Variants in MAP1LC3C observed in about 807,000 individuals in gnomAD.
MAP1LC3C encodes the protein microtubule-associated protein 1 light chain 3 gamma.
MAP1LC3C carries 12 observed loss-of-function variants against 10.4 expected under a neutral mutation model. That is an observed-to-expected ratio of 1.15 (90% confidence interval 0.74 to 1.86). The LOEUF (loss-of-function observed/expected upper bound fraction) is 1.86, where lower values mean the gene tolerates loss of function less well. Ranked by LOEUF, MAP1LC3C falls within the 40% of genes most tolerant of loss-of-function variation. The pLI is 0.00. For missense variants in MAP1LC3C, 177 were observed against 185.7 expected, an observed-to-expected ratio of 0.95 and a Z score of 0.27; for synonymous variants, 70 against 69.0, an observed-to-expected ratio of 1.01 and a Z score of -0.07.
Position 241,998,021 on chromosome 1 carries a change from C to CTTTTTTT in MAP1LC3C, c.221+486_221+492dup, listed in dbSNP as rs58237405. Among the ~76,000 whole-genome samples the CTTTTTTT allele has an allele frequency of 1.2e-3, 119 of 95,402 alleles. 8 individuals are homozygous for CTTTTTTT. Among genetic ancestry groups the CTTTTTTT allele is most frequent in the African/African-American group, 1.4e-3 (34 of 23,996 alleles). 62.6% of individuals were successfully genotyped at this position (95,402 alleles called of 152,430 possible). A position where few individuals can be genotyped will look rare whatever the true frequency, so the allele number is the denominator to read the frequency against. On this transcript the variant is annotated intron_variant, in intron 3 of 3. Coordinates refer to ENST00000357246, the MANE Select transcript of MAP1LC3C (RefSeq NM_001004343.3). ...CTTACCTGTTTAAAATAGAGTAATT[C>CTTTTTTT]TTTTTTTTTTTTTTTTTTTTTTGAG...
In MAP1LC3C at chr1:241,998,598, C is replaced by T; in HGVS notation, c.137G>A (p.Arg46Lys). Reference sequence around the variant, plus strand: ...GTCCAGCGGGGGCAGGAACGTCTCCCTGGGGTAGCGCTCCACTACCACCTG... The same window carrying T: ...GTCCAGCGGGGGCAGGAACGTCTCCTTGGGGTAGCGCTCCACTACCACCTG... ...KIPVVVERYPRETFLPPLDKT... is the reference protein window; with the variant it reads ...KIPVVVERYPKETFLPPLDKT... Residue 46 changes from arginine to lysine, a missense_variant, in exon 3 of 4, where the codon AGG (arginine) becomes AAG (lysine). Transcript: ENST00000357246. 2 of 1,612,044 alleles carry T rather than the reference C, an allele frequency of 1.2e-6. No individual in the cohort carries two copies. The highest frequency in any genetic ancestry group is 4.5e-5 in the East Asian group (2 of 44,864).
At chr1:241,998,370 C>G in intron 3 of MAP1LC3C, 144 bp downstream of exon 3, 1 of 663,906 alleles carries the variant, frequency 1.5e-6, no homozygotes, top group Non-Finnish European at 2.6e-6. Flanking sequence ...ACTAGTGAAT[C>G]TAAAAGGTGA....
At chr1:241,998,479 G>T in intron 3 of MAP1LC3C, 35 bp downstream of exon 3, 2 of 1,590,256 alleles carry the variant, frequency 1.3e-6, no homozygotes, top group Non-Finnish European at 1.7e-6. Context: ...CGCACCCAGC[G>T]CACCTTCCTC....
rs28605139 is a variant in MAP1LC3C, at chr1:241,996,155, G to C, written c.*8C>G. On this transcript the variant is annotated 3_prime_UTR_variant, in exon 4 of 4. Transcript: ENST00000357246. ...GTCTGTCAGAGCACACATCCTTCCCGACATGGGCTAGAGAGGATTGCAGGG... is the reference window on the plus strand; with the variant it reads ...GTCTGTCAGAGCACACATCCTTCCCCACATGGGCTAGAGAGGATTGCAGGG... 1.2e-6 allele frequency: 2 copies of C among 1,608,694 alleles called. No homozygotes were observed. The highest frequency in any genetic ancestry group is 1.3e-5 in the African/African-American group (1 of 74,772).
In MAP1LC3C at chr1:241,998,577, A is replaced by C; in HGVS notation, c.158T>G (p.Leu53Arg). Residue 53 changes from leucine (L) to arginine (R), a missense_variant, in exon 3 of 4, where the codon CTG (leucine) becomes CGG (arginine). By Grantham distance (102) the Leu-to-Arg change is moderately radical. Coordinates refer to ENST00000357246, the MANE Select transcript of MAP1LC3C (RefSeq NM_001004343.3). ...CGGGACCAGGAACTTGGTTTTGTCC[A>C]GCGGGGGCAGGAACGTCTCCCTGGG... Reference protein sequence around the residue: ...RYPRETFLPPLDKTKFLVPQE... With the variant: ...RYPRETFLPPRDKTKFLVPQE... 6.2e-7 allele frequency: 1 copy of C among 1,613,292 alleles called. No homozygotes were observed. Among genetic ancestry groups the C allele is most frequent in the South Asian group, 1.1e-5 (1 of 90,882 alleles).
chr1:241,999,130 A>C (rs1358890460), upstream of MAP1LC3C: 1 of 1,460,366 alleles, frequency 6.8e-7, no homozygotes, highest in African/African-American at 1.4e-5. Context: ...GCCCTTATGT[A>C]GGGCTGAGTG....
intron 3 of MAP1LC3C, among the ~76,000 whole-genome samples, chr1:241,996,908 T>TAAAAAAAAAAAAAA (rs1391513618): frequency 1.5e-3 from 2 of 1,318 alleles, no homozygotes; most frequent in Admixed American, 6.0e-3. Context: ...AGACTGCGTC[T>TAAAAAAAAAAAAAA]CAAAAAAAAA....
At chr1:241,999,500 C>A (rs1167703781), upstream of MAP1LC3C, among the ~76,000 whole-genome samples, 1 of 152,134 alleles carries the variant, frequency 6.6e-6, no homozygotes, top group Non-Finnish European at 1.5e-5. Context: ...GTGATTTGCT[C>A]GAGGGCACAC....
Position 241,998,845 on chromosome 1 carries a change from A to T in MAP1LC3C, c.59-14T>A. On this transcript the variant is annotated splice_polypyrimidine_tract_variant and intron_variant, in intron 1 of 3. Coordinates refer to ENST00000357246, the MANE Select transcript of MAP1LC3C (RefSeq NM_001004343.3). ...CTTGTCTGATTGCTGTGAATATTTC[A>T]AGCACAAGAGAAGAAGCAAAGATCA... 6.2e-7 allele frequency: 1 copy of T among 1,614,044 alleles called. No individual in the cohort carries two copies. Among genetic ancestry groups the T allele is most frequent in the Non-Finnish European group, 8.5e-7 (1 of 1,180,012 alleles).
intron 3 of MAP1LC3C, among the ~76,000 whole-genome samples, chr1:241,998,172 G>A (rs1410711862): frequency 2.0e-5 from 3 of 151,498 alleles, no homozygotes; most frequent in African/African-American, 7.3e-5. Flanking sequence ...ACAGGCACCC[G>A]CCACCACGCC....
At position 241,996,113 on chromosome 1, in the gene MAP1LC3C, C is replaced by T; in HGVS notation, c.*50G>A. On this transcript the variant is annotated 3_prime_UTR_variant, in exon 4 of 4. Transcript: ENST00000357246. ...ATACACAGGAGAAAACCAATCCCTT[C>T]TGCCAGCATCTGACACGTCTGTCAG... is the stretch of plus-strand genomic sequence containing the variant. 1 of 1,539,452 alleles carries T rather than the reference C, an allele frequency of 6.5e-7. No individual in the cohort carries two copies. Among genetic ancestry groups the T allele is most frequent in the Non-Finnish European group, 8.9e-7 (1 of 1,126,694 alleles).
intron 1 of MAP1LC3C, 56 bp downstream of exon 1, chr1:241,998,895 A>G: frequency 1.2e-6 from 2 of 1,613,616 alleles, no homozygotes; most frequent in Non-Finnish European, 1.7e-6. Flanking sequence ...GATCAAGAGA[A>G]GGCCAGATCC....
intron 3 of MAP1LC3C, among the ~76,000 whole-genome samples, chr1:241,996,921 A>AAAAAAAAAAAAAAAAAAAAG (rs1558178762): frequency 6.6e-6 from 1 of 150,596 alleles, no homozygotes; most frequent in Non-Finnish European, 1.5e-5. Context: ...AAAAAAAAAA[A>AAAAAAAAAAAAAAAAAAAAG]AAAAGAAAAG....
chr1:241,996,532 T>A (rs1041458905), intron 3 of MAP1LC3C, 147 bp from the exon 4 acceptor site: 2 of 635,638 alleles, frequency 3.1e-6, no homozygotes, highest in Non-Finnish European at 5.4e-6. Context: ...GTCAAAAGGG[T>A]GAGGCCATTC....
chr1:241,998,260 G>A (rs961839839), intron 3 of MAP1LC3C, among the ~76,000 whole-genome samples: 1 of 151,982 alleles, frequency 6.6e-6, no homozygotes, highest in Non-Finnish European at 1.5e-5. Flanking sequence ...TGACCTCTGC[G>A]ATCCACCTGC....
At chr1:242,000,047 G>A (rs1665165582), upstream of MAP1LC3C, among the ~76,000 whole-genome samples, 2 of 150,554 alleles carry the variant, frequency 1.3e-5, no homozygotes, top group Non-Finnish European at 3.0e-5. Flanking sequence ...CACTAGATGT[G>A]TGTGTGTGTG....
At chr1:242,000,965 C>T (rs1182401915), upstream of MAP1LC3C, among the ~76,000 whole-genome samples, 1 of 152,074 alleles carries the variant, frequency 6.6e-6, no homozygotes, top group African/African-American at 2.4e-5. Flanking sequence ...AGCCGTCAGT[C>T]AACTGATGAA....
chr1:241,999,172 C>T, upstream of MAP1LC3C: 15 of 1,345,378 alleles, frequency 1.1e-5, no homozygotes, highest in Non-Finnish European at 1.3e-5. Context: ...TCCCCTCTCC[C>T]CACTCCCCCT....
upstream of MAP1LC3C, among the ~76,000 whole-genome samples, chr1:241,999,446 C>A (rs187150925): frequency 6.6e-6 from 1 of 152,208 alleles, no homozygotes; most frequent in African/African-American, 2.4e-5. Context: ...CACAATGGTC[C>A]ATGCCCTTTA....
Sources: gnomAD v4.1 joint callset for allele counts (sites outside exome capture counted in the v4.1 genomes callset) on GRCh38, gnomAD v4.1.1 for gene constraint, MANE v1.5 for transcripts, NCBI Gene and HGNC (gene_info 2026-07-23, HGNC 2026-07-21) for gene names.